ME1: variants seen among roughly 807,000 people sequenced by gnomAD.
ME1 encodes NADP-dependent malic enzyme.
In ME1, 74 loss-of-function variants were observed where a neutral mutation model predicts 66.4. The observed-to-expected ratio is 1.11, with a 90% CI of 0.92 to 1.35. The LOEUF (loss-of-function observed/expected upper bound fraction) is 1.35. ME1 is among the 40% of genes most tolerant of loss of function. ME1 has a pLI of 0.00. For synonymous variants in ME1, 251 were observed against 235.6 expected (o/e 1.07, Z -0.60); for missense variants, 750 against 694.1 (o/e 1.08, Z -0.90).
intron 7 of ME1, among the ~76,000 whole-genome samples, chr6:83,246,758 C>T (rs1351195939): frequency 6.6e-6 from 1 of 152,012 alleles, no homozygotes; most frequent in Non-Finnish European, 1.5e-5. Flanking sequence ...AGGTAAAGAT[C>T]TGCATGTTTT....
intron 6 of ME1, among the ~76,000 whole-genome samples, chr6:83,285,538 A>C (rs2128533859): frequency 6.6e-6 from 1 of 152,312 alleles, no homozygotes; most frequent in Admixed American, 6.5e-5. Flanking sequence ...AAGAAGGAGA[A>C]AGCCACTGTA....
chr6:83,408,700 G>T (rs1057107953), intron 1 of ME1, among the ~76,000 whole-genome samples: 7 of 152,112 alleles, frequency 4.6e-5, no homozygotes, highest in Non-Finnish European at 8.8e-5. Context: ...ATATTTGCTG[G>T]CATTAATACA....
At chr6:83,342,202 T>C (rs1768599561) in intron 5 of ME1, among the ~76,000 whole-genome samples, 1 of 152,212 alleles carries the variant, frequency 6.6e-6, no homozygotes, top group Admixed American at 6.5e-5. Flanking sequence ...ATTTGGACCT[T>C]AGAAGATTCT....
chr6:83,401,010 T>C (rs13192260), intron 2 of ME1, among the ~76,000 whole-genome samples: 39,085 of 151,986 alleles, frequency 0.26, 5,644 homozygotes, highest in Middle Eastern at 0.46. Context: ...AGATTACCCT[T>C]ATCACCCAAC....
rs138394599 is a variant in ME1, at chr6:83,430,936, G to T, written c.19C>A (p.Arg7Ser). The T allele has an allele frequency of 4.7e-5, 75 of 1,587,926 alleles. No homozygotes were observed. Among genetic ancestry groups the T allele is most frequent in the Middle Eastern group, 3.3e-4 (2 of 5,972 alleles). The stretch of plus-strand genomic sequence containing the variant: ...CCGCGCTGATGGGTGTGGCGGCGAC[G>T]GGGGGCTTCGGGCTCCATGGCTGGC... MEPEAP[R>S]RRHTHQRGYL... Residue 7 changes from arginine to serine, a missense_variant, in exon 1 of 14, where the codon CGT becomes AGT. Coordinates refer to ENST00000369705, the MANE Select transcript of ME1 (RefSeq NM_002395.6).
intron 7 of ME1, among the ~76,000 whole-genome samples, chr6:83,251,588 C>T (rs1227531759): frequency 6.6e-6 from 1 of 151,810 alleles, no homozygotes; most frequent in East Asian, 1.9e-4. Context: ...TGGAATTGAC[C>T]CAGACCCAGA....
At chr6:83,344,225 G>A (rs891587556) in intron 5 of ME1, among the ~76,000 whole-genome samples, 3 of 148,704 alleles carry the variant, frequency 2.0e-5, no homozygotes, top group African/African-American at 7.5e-5. Context: ...GTTTAAGGCT[G>A]CAATAAGCTA....
At chr6:83,260,270 C>G (rs1004692093) in intron 6 of ME1, among the ~76,000 whole-genome samples, 2 of 151,314 alleles carry the variant, frequency 1.3e-5, no homozygotes, top group African/African-American at 4.9e-5. Flanking sequence ...ATTCTGAGTT[C>G]CTTAAAATTC....
chr6:83,425,895 T>C (rs1046817119), intron 1 of ME1, among the ~76,000 whole-genome samples: 6 of 131,424 alleles, frequency 4.6e-5, no homozygotes, highest in African/African-American at 1.3e-4. Flanking sequence ...TTTCAATCTG[T>C]CCCCAAAAGT....
intron 12 of ME1, among the ~76,000 whole-genome samples, chr6:83,217,345 C>A (rs779954365): frequency 2.8e-4 from 42 of 152,134 alleles, no homozygotes; most frequent in Non-Finnish European, 5.0e-4. Context: ...AGTAGGAAAC[C>A]TTCCTCTTTT....
chr6:83,224,048 GTTT>G (rs1224924673), intron 11 of ME1, 115 bp from the exon 12 acceptor site: 2 of 938,724 alleles, frequency 2.1e-6, no homozygotes, highest in African/African-American at 3.3e-5. Context: ...AAGAAGTCTA[GTTT>G]TTTATTAACT....
chr6:83,279,436 C>T (rs1284385602), intron 6 of ME1, among the ~76,000 whole-genome samples: 2 of 152,040 alleles, frequency 1.3e-5, no homozygotes, highest in African/African-American at 4.8e-5. Context: ...CTAAGCAGAG[C>T]AATAGAAACT....
intron 3 of ME1, among the ~76,000 whole-genome samples, chr6:83,359,059 G>C (rs1328197065): frequency 6.6e-6 from 1 of 151,624 alleles, no homozygotes; most frequent in Admixed American, 6.6e-5. Flanking sequence ...CAGCTGGGCA[G>C]AGGGGCACAT....
At chr6:83,403,357 C>G (rs1407651572) in intron 2 of ME1, among the ~76,000 whole-genome samples, 2 of 152,070 alleles carry the variant, frequency 1.3e-5, no homozygotes, top group African/African-American at 4.8e-5. Context: ...GTTTTGTAGG[C>G]CAGGAAGTTC....
At chr6:83,226,472 G>A (rs1182260394) in intron 11 of ME1, among the ~76,000 whole-genome samples, 1 of 152,048 alleles carries the variant, frequency 6.6e-6, no homozygotes, top group Non-Finnish European at 1.5e-5. Context: ...AATAATGTGA[G>A]GCAAATTCCC....
chr6:83,277,639 C>T (rs139070592), intron 6 of ME1, among the ~76,000 whole-genome samples: 6,985 of 152,148 alleles, frequency 0.046, 527 homozygotes, highest in African/African-American at 0.16. Flanking sequence ...TGGTGGTTTA[C>T]GCCTGTAATC....
intron 6 of ME1, 79 bp from the exon 7 acceptor site, chr6:83,253,817 A>G (rs1450585607): frequency 4.3e-6 from 3 of 698,336 alleles, no homozygotes; most frequent in African/African-American, 3.6e-5. Flanking sequence ...TAGCCCATAG[A>G]AATAGGAAAA....
intron 5 of ME1, among the ~76,000 whole-genome samples, chr6:83,340,138 T>G (rs945679909): frequency 2.0e-5 from 3 of 152,232 alleles, no homozygotes; most frequent in Admixed American, 6.5e-5. Context: ...GCCACTTTAC[T>G]GAGTGCTATA....
At chr6:83,316,035 GA>G (rs1768024440) in intron 5 of ME1, among the ~76,000 whole-genome samples, 1 of 152,064 alleles carries the variant, frequency 6.6e-6, no homozygotes, top group Admixed American at 6.6e-5. Context: ...AGATTTTACA[GA>G]CAAAGGTAAT....
Sources: allele counts gnomAD v4.1 joint callset (sites outside exome capture counted in the v4.1 genomes callset), GRCh38; gene constraint gnomAD v4.1.1; transcripts MANE v1.5; gene names NCBI Gene and HGNC (gene_info 2026-07-23, HGNC 2026-07-21).